The following GPC5 variants were observed in gnomAD, a reference collection of about 807,000 sequenced individuals.
GPC5 encodes the protein glypican 5, also known as glypican-5.
GPC5 carries 47 observed loss-of-function variants against 53.9 expected under a neutral mutation model. The ratio of observed to expected loss-of-function variants is 0.87; its 90% CI spans 0.69 to 1.11. GPC5 has a LOEUF of 1.11. Ranked by LOEUF, GPC5 falls within the 50% of genes most tolerant of loss-of-function variation. GPC5 has a pLI of 0.00. For synonymous variants in GPC5, 286 were observed against 263.3 expected (o/e 1.09, Z -0.84); for missense variants, 748 against 713.1 (o/e 1.05, Z -0.56).
chr13:92,414,218 C>T (rs1362737712), intron 7 of GPC5, among the ~76,000 whole-genome samples: 2 of 152,014 alleles, frequency 1.3e-5, no homozygotes, highest in African/African-American at 2.4e-5. Context: ...TAGTTAAATT[C>T]TTTGGGCTGG....
chr13:92,057,320 A>G (rs77958087), intron 6 of GPC5, among the ~76,000 whole-genome samples: 3 of 150,476 alleles, frequency 2.0e-5, no homozygotes, highest in East Asian at 3.9e-4. Context: ...AACAAACAAA[A>G]AACACAAAGA....
At chr13:92,434,923 TA>T (rs1475162978) in intron 7 of GPC5, among the ~76,000 whole-genome samples, 1 of 152,184 alleles carries the variant, frequency 6.6e-6, no homozygotes, top group Non-Finnish European at 1.5e-5. Context: ...GTCCAACTAA[TA>T]TTTTTTTTGA....
intron 7 of GPC5, among the ~76,000 whole-genome samples, chr13:92,442,231 T>C (rs1334007275): frequency 6.6e-6 from 1 of 152,222 alleles, no homozygotes; most frequent in Non-Finnish European, 1.5e-5. Context: ...ATGATTCTTC[T>C]GGATACCCCA....
At chr13:92,847,102 A>T (rs951871642) in intron 7 of GPC5, among the ~76,000 whole-genome samples, 1 of 152,152 alleles carries the variant, frequency 6.6e-6, no homozygotes, top group African/African-American at 2.4e-5. Flanking sequence ...TGGATTTTAT[A>T]CTTAGAAATG....
At chr13:91,658,303 T>C (rs2034896958) in intron 2 of GPC5, among the ~76,000 whole-genome samples, 1 of 152,130 alleles carries the variant, frequency 6.6e-6, no homozygotes, top group African/African-American at 2.4e-5. Context: ...TAATAGTAAA[T>C]AGAAACATAA....
At chr13:91,974,987 T>G (rs551602870) in intron 6 of GPC5, among the ~76,000 whole-genome samples, 199 of 152,252 alleles carry the variant, frequency 1.3e-3, no homozygotes, top group African/African-American at 4.5e-3. Context: ...CCATCTGATC[T>G]CTCACAAACC....
chr13:91,784,739 T>G (rs1461286995), intron 5 of GPC5, among the ~76,000 whole-genome samples: 1 of 108,012 alleles, frequency 9.3e-6, no homozygotes, highest in African/African-American at 4.2e-5. Context: ...AAAAAAAAAA[T>G]GACCTATTTG....
chr13:92,520,128 C>T (rs1415353042), intron 7 of GPC5, among the ~76,000 whole-genome samples: 5 of 151,986 alleles, frequency 3.3e-5, no homozygotes, highest in Admixed American at 6.5e-5. Flanking sequence ...GAAATTGAGG[C>T]AATAATTAAT....
intron 6 of GPC5, among the ~76,000 whole-genome samples, chr13:92,029,556 C>A (rs923485363): frequency 6.6e-6 from 1 of 152,338 alleles, no homozygotes; most frequent in Middle Eastern, 3.4e-3. Flanking sequence ...TCCTTCTGGG[C>A]AAGCCCAGTG....
chr13:92,396,678 T>G, intron 7 of GPC5, among the ~76,000 whole-genome samples: 1 of 152,236 alleles, frequency 6.6e-6, no homozygotes, highest in Middle Eastern at 3.2e-3. Context: ...CTAATTTTGA[T>G]AGTTACCTTG....
chr13:92,049,758 C>T (rs890523310), intron 6 of GPC5, among the ~76,000 whole-genome samples: 9 of 152,012 alleles, frequency 5.9e-5, no homozygotes, highest in Non-Finnish European at 1.3e-4. Flanking sequence ...GCAATGTTAA[C>T]TAACTTAATT....
chr13:91,441,549 T>G (rs534718038), intron 1 of GPC5, among the ~76,000 whole-genome samples: 1 of 152,330 alleles, frequency 6.6e-6, no homozygotes, highest in East Asian at 1.9e-4. Flanking sequence ...GAATTCATTT[T>G]CAGCAGTAGA....
intron 7 of GPC5, among the ~76,000 whole-genome samples, chr13:92,646,126 A>C (rs1028038714): frequency 9.2e-5 from 14 of 152,052 alleles, no homozygotes; most frequent in Non-Finnish European, 1.5e-5. Flanking sequence ...GATTTTCTCA[A>C]ATACTTTCTG....
At chr13:92,322,909 G>A (rs768998833) in intron 7 of GPC5, among the ~76,000 whole-genome samples, 10 of 152,056 alleles carry the variant, frequency 6.6e-5, no homozygotes, top group African/African-American at 4.8e-5. Flanking sequence ...GAAAAGGGGA[G>A]TGCAGTCAAG....
At chr13:92,566,147 A>C (rs1320946966) in intron 7 of GPC5, among the ~76,000 whole-genome samples, 3 of 152,046 alleles carry the variant, frequency 2.0e-5, no homozygotes, top group Non-Finnish European at 4.4e-5. Flanking sequence ...AGGCCATGGA[A>C]AGGTGCATGT....
At chr13:92,147,453 T>G (rs1314437137) in intron 7 of GPC5, among the ~76,000 whole-genome samples, 1 of 152,056 alleles carries the variant, frequency 6.6e-6, no homozygotes, top group Non-Finnish European at 1.5e-5. Context: ...CTTCATGAAG[T>G]TATTTACAAG....
intron 7 of GPC5, among the ~76,000 whole-genome samples, chr13:92,296,373 G>T (rs1025235650): frequency 6.6e-6 from 1 of 152,102 alleles, no homozygotes; most frequent in Admixed American, 6.5e-5. Context: ...GCCACTGGGT[G>T]GGGGTAGAGC....
chr13:91,666,578 G>T (rs542054689), intron 2 of GPC5, among the ~76,000 whole-genome samples: 14 of 151,652 alleles, frequency 9.2e-5, no homozygotes, highest in Middle Eastern at 3.5e-3. Context: ...ACATTTTTGT[G>T]GTGTTAAATA....
intron 7 of GPC5, among the ~76,000 whole-genome samples, chr13:92,552,609 T>G (rs1882356651): frequency 6.6e-6 from 1 of 151,940 alleles, no homozygotes; most frequent in Non-Finnish European, 1.5e-5. Context: ...AGTTCAACAC[T>G]TTGAATTAAT....
Sources: gnomAD v4.1 joint callset for allele counts (sites outside exome capture counted in the v4.1 genomes callset) on GRCh38, gnomAD v4.1.1 for gene constraint, MANE v1.5 for transcripts, NCBI Gene and HGNC (gene_info 2026-07-23, HGNC 2026-07-21) for gene names.